Variants in ZNF407 observed in about 807,000 individuals in gnomAD.
The protein encoded by ZNF407 is zinc finger protein 407.
Under a neutral mutation model 131.2 loss-of-function variants are expected in ZNF407, and 17 were observed. The observed-to-expected ratio is 0.13, with a 90% confidence interval of 0.09 to 0.19. The LOEUF (loss-of-function observed/expected upper bound fraction) is 0.19. Among genes scored for constraint, ZNF407 ranks in the 10% least tolerant of loss-of-function variants. The pLI is 1.00. For missense variants in ZNF407, 2,681 were observed against 2,830.6 expected, an observed-to-expected ratio of 0.95 and a Z score of 1.20; for synonymous variants, 1,156 against 1,062.0, an observed-to-expected ratio of 1.09 and a Z score of -1.72.
chr18:75,017,654 T>C (rs915586701), intron 8 of ZNF407, among the ~76,000 whole-genome samples: 2 of 152,124 alleles, frequency 1.3e-5, no homozygotes, highest in Admixed American at 6.5e-5. Flanking sequence ...TTACCACCAG[T>C]CTTCAAAATA....
chr18:74,813,909 A>C (rs995357923), intron 4 of ZNF407, among the ~76,000 whole-genome samples: 1 of 152,198 alleles, frequency 6.6e-6, no homozygotes, highest in African/African-American at 2.4e-5. Flanking sequence ...TAATTTACTA[A>C]TTAGTCTTTA....
chr18:75,029,885 A>G (rs1973219537), intron 8 of ZNF407, among the ~76,000 whole-genome samples: 1 of 152,214 alleles, frequency 6.6e-6, no homozygotes, highest in Admixed American at 6.5e-5. Flanking sequence ...TCAAGGATGA[A>G]TTCTTGCAAC....
At chr18:74,626,947 T>G (rs1334168950) in intron 1 of ZNF407, among the ~76,000 whole-genome samples, 1 of 152,206 alleles carries the variant, frequency 6.6e-6, no homozygotes, top group East Asian at 1.9e-4. Context: ...GGACGTCACC[T>G]CTGCAGATCT....
chr18:74,945,656 A>G (rs1232646881), intron 8 of ZNF407, among the ~76,000 whole-genome samples: 1 of 152,210 alleles, frequency 6.6e-6, no homozygotes, highest in Non-Finnish European at 1.5e-5. Context: ...TACTTACAAT[A>G]TTTTTAAAGT....
intron 3 of ZNF407, among the ~76,000 whole-genome samples, chr18:74,676,251 C>G (rs1986354741): frequency 6.6e-6 from 1 of 151,714 alleles, no homozygotes; most frequent in African/African-American, 2.4e-5. Context: ...GCTGCCACGC[C>G]CGGCTAATTT....
chr18:74,809,703 G>A (rs897366621), intron 4 of ZNF407, among the ~76,000 whole-genome samples: 6 of 152,328 alleles, frequency 3.9e-5, no homozygotes, highest in Non-Finnish European at 7.4e-5. Context: ...TCAGGAATTG[G>A]TAATTTTAAA....
chr18:74,833,811 G>A (rs1291947549), intron 4 of ZNF407, among the ~76,000 whole-genome samples: 1 of 152,156 alleles, frequency 6.6e-6, no homozygotes, highest in African/African-American at 2.4e-5. Flanking sequence ...ATCTTAGGAT[G>A]GCAGTAGGTG....
At chr18:74,630,144 A>T (rs996425829) in intron 1 of ZNF407, among the ~76,000 whole-genome samples, 2 of 149,692 alleles carry the variant, frequency 1.3e-5, no homozygotes, top group African/African-American at 4.9e-5. Context: ...TTGCTTTAGG[A>T]GAAAAGGATG....
intron 4 of ZNF407, among the ~76,000 whole-genome samples, chr18:74,853,000 T>C (rs918833035): frequency 6.6e-6 from 1 of 152,202 alleles, no homozygotes; most frequent in African/African-American, 2.4e-5. Flanking sequence ...TTAATCCAAA[T>C]TATGATTCCT....
At chr18:74,892,325 A>G (rs1490223484) in intron 7 of ZNF407, among the ~76,000 whole-genome samples, 1 of 152,196 alleles carries the variant, frequency 6.6e-6, no homozygotes, top group African/African-American at 2.4e-5. Flanking sequence ...ACCGCGGTCA[A>G]ACTATCGAGT....
chr18:74,960,309 G>A (rs1189932032), intron 8 of ZNF407, among the ~76,000 whole-genome samples: 1 of 145,334 alleles, frequency 6.9e-6, no homozygotes, highest in East Asian at 2.1e-4. Flanking sequence ...TTGGTGGAGG[G>A]ATAGGAGAAG....
intron 8 of ZNF407, among the ~76,000 whole-genome samples, chr18:75,058,240 C>T (rs1973584169): frequency 6.6e-6 from 1 of 152,210 alleles, no homozygotes; most frequent in Non-Finnish European, 1.5e-5. Context: ...CATCCCAGAG[C>T]AGCGAGCCGA....
chr18:74,634,240 G>C lies in ZNF407; in HGVS notation c.3221G>C (p.Arg1074Thr). Residue 1074 changes from arginine to threonine, a missense_variant, in exon 2 of 9, where the codon AGG becomes ACG. This residue lies in a region of ZNF407 where 1,789 missense variants were observed against 1,748.7 expected (regional missense o/e 1.02). Coordinates refer to ENST00000299687, the MANE Select transcript of ZNF407 (RefSeq NM_017757.3). ...GCAACAGAGAAGCACAAAATGAAAAGGCAGTCTTATCTCAACTCTGCTAAT... is the reference window on the plus strand; with the variant it reads ...GCAACAGAGAAGCACAAAATGAAAACGCAGTCTTATCTCAACTCTGCTAAT... ...HAATEKHKMKRQSYLNSANVE... is the reference protein window; with the variant it reads ...HAATEKHKMKTQSYLNSANVE... 1 of 1,614,034 alleles carries C rather than the reference G, an allele frequency of 6.2e-7. No individual in the cohort carries two copies. The highest frequency in any genetic ancestry group is 8.5e-7 in the Non-Finnish European group (1 of 1,179,894).
At chr18:74,689,942 C>G (rs1967181084) in intron 3 of ZNF407, among the ~76,000 whole-genome samples, 1 of 152,116 alleles carries the variant, frequency 6.6e-6, no homozygotes, top group Admixed American at 6.5e-5. Flanking sequence ...TGTGAGGACA[C>G]TGGGCACCAA....
rs977148619 is a variant in ZNF407, at chr18:75,065,279, T to C, written c.*811T>C. On this transcript the variant is annotated 3_prime_UTR_variant, in exon 9 of 9. Transcript: ENST00000299687. ...TGTGAAACGCACACGCTGGAAGATA[T>C]TGTTCCTATCAATATTTTGCTTTTT... is the stretch of plus-strand genomic sequence containing the variant. 3.3e-5 allele frequency: 5 copies of C among 152,380 alleles called. No homozygotes were observed. Among genetic ancestry groups the C allele is most frequent in the African/African-American group, 1.2e-4 (5 of 41,596 alleles). The allele number at this position is 152,380 out of a possible 1,614,324, so 9.4% of individuals were successfully genotyped here.
intron 8 of ZNF407, among the ~76,000 whole-genome samples, chr18:74,991,703 C>T (rs1972720897): frequency 6.6e-6 from 1 of 152,194 alleles, no homozygotes; most frequent in South Asian, 2.1e-4. Context: ...ATTTCTCTAA[C>T]ATTTCTGAGC....
At chr18:74,803,588 A>G (rs1213005717) in intron 4 of ZNF407, among the ~76,000 whole-genome samples, 1 of 152,192 alleles carries the variant, frequency 6.6e-6, no homozygotes, top group Non-Finnish European at 1.5e-5. Flanking sequence ...ATTTTCTGCA[A>G]TGCATTATGT....
At chr18:74,663,684 G>A (rs776765806) in intron 3 of ZNF407, among the ~76,000 whole-genome samples, 16 of 152,250 alleles carry the variant, frequency 1.1e-4, no homozygotes, top group Non-Finnish European at 2.2e-4. Context: ...CCAATTCTTG[G>A]AATGTCATAA....
intron 3 of ZNF407, among the ~76,000 whole-genome samples, chr18:74,679,384 T>G (rs1966929137): frequency 6.6e-6 from 1 of 152,198 alleles, no homozygotes; most frequent in African/African-American, 2.4e-5. Flanking sequence ...TCTAGTACTG[T>G]ACACATCTTG....
Sources: gnomAD v4.1 joint callset for allele counts (sites outside exome capture counted in the v4.1 genomes callset) on GRCh38, gnomAD v4.1.1 for gene constraint, gnomAD v4.1.1 regional missense constraint, MANE v1.5 for transcripts, NCBI Gene and HGNC (gene_info 2026-07-23, HGNC 2026-07-21) for gene names.